STK3: variants seen among roughly 807,000 people sequenced by gnomAD.
The protein encoded by STK3 is serine/threonine kinase 3.
A neutral mutation model predicts 58.0 loss-of-function variants in STK3; 41 were observed. The ratio of observed to expected loss-of-function variants is 0.71; its 90% CI spans 0.55 to 0.92. The LOEUF is 0.92. Among genes scored for constraint, STK3 ranks in the 40% least tolerant of loss-of-function variants. STK3 has a pLI of 0.00. For missense variants in STK3, 479 were observed against 602.7 expected, an observed-to-expected ratio of 0.79 and a Z score of 2.15; for synonymous variants, 170 against 191.0, an observed-to-expected ratio of 0.89 and a Z score of 0.91.
At chr8:98,370,346 T>TGC (rs1305391406), downstream of STK3, among the ~76,000 whole-genome samples, 1 of 137,514 alleles carries the variant, frequency 7.3e-6, no homozygotes, top group Non-Finnish European at 1.6e-5. Context: ...CTCTGCAGTG[T>TGC]GTGTGTGTGT....
At chr8:98,824,507 G>GT (rs1225756028) in intron 1 of STK3, among the ~76,000 whole-genome samples, 1 of 152,240 alleles carries the variant, frequency 6.6e-6, no homozygotes, top group Non-Finnish European at 1.5e-5. Context: ...TGCCCAATGA[G>GT]TAGAATGCAG....
intron 10 of STK3, 86 bp from the exon 11 acceptor site, chr8:98,456,086 ATGAG>A: frequency 1.5e-6 from 2 of 1,294,346 alleles, no homozygotes; most frequent in Non-Finnish European, 2.1e-6. Context: ...TTAATGTCTA[ATGAG>A]TTTTAACATA....
At chr8:98,845,561 C>G (rs145809282) in intron 3 of STK3, among the ~76,000 whole-genome samples, 238 of 152,258 alleles carry the variant, frequency 1.6e-3, no homozygotes, top group Non-Finnish European at 2.3e-3. Flanking sequence ...GATATTTTTC[C>G]GCTGAAAGTA....
At chr8:98,844,242 A>G (rs1836108547) in intron 3 of STK3, among the ~76,000 whole-genome samples, 1 of 152,220 alleles carries the variant, frequency 6.6e-6, no homozygotes, top group African/African-American at 2.4e-5. Context: ...AAATTATAAA[A>G]CAGCCATGGG....
chr8:98,535,614 C>T (rs900756375), intron 9 of STK3, among the ~76,000 whole-genome samples: 7 of 152,152 alleles, frequency 4.6e-5, no homozygotes, highest in African/African-American at 1.7e-4. Flanking sequence ...TGATATACCA[C>T]TGACTCTTAC....
At chr8:98,583,803 AT>A (rs1277452201) in intron 7 of STK3, among the ~76,000 whole-genome samples, 5 of 152,020 alleles carry the variant, frequency 3.3e-5, no homozygotes, top group Non-Finnish European at 7.4e-5. Context: ...AGATGAGAAA[AT>A]AAGCTCAGGA....
chr8:98,587,740 T>C (rs1468034503), intron 7 of STK3, among the ~76,000 whole-genome samples: 2 of 152,138 alleles, frequency 1.3e-5, no homozygotes, highest in African/African-American at 4.8e-5. Context: ...TCTAAGTCTC[T>C]TTGTAGGTCT....
chr8:98,599,445 T>A (rs1816137560), intron 6 of STK3, among the ~76,000 whole-genome samples: 1 of 151,976 alleles, frequency 6.6e-6, no homozygotes, highest in Non-Finnish European at 1.5e-5. Context: ...AGTATCATTT[T>A]GTTTTTTTTT....
chr8:98,388,086 T>TATA (rs1817811321), intron 1 of STK3: 1 of 152,102 alleles, frequency 6.6e-6, no homozygotes, highest in African/African-American at 2.4e-5. Flanking sequence ...TACCTGAGTC[T>TATA]ATAATAATAA....
intron 10 of STK3, among the ~76,000 whole-genome samples, chr8:98,522,995 C>T (rs1287191379): frequency 6.6e-6 from 1 of 152,106 alleles, no homozygotes; most frequent in Admixed American, 6.6e-5. Flanking sequence ...AATAATGCTG[C>T]CATGAAAAAG....
chr8:98,688,125 A>G (rs1248459669), intron 6 of STK3, among the ~76,000 whole-genome samples: 2 of 151,464 alleles, frequency 1.3e-5, no homozygotes, highest in Admixed American at 6.6e-5. Context: ...GAGGTCTTAT[A>G]TTAGATAAAA....
chr8:98,782,332 A>G lies in STK3; in HGVS notation c.27-7513T>C, dbSNP rs115628986. The G allele has an allele frequency of 1.0e-3, 189 of 182,932 alleles. 1 individual carries two copies. Among genetic ancestry groups the G allele is most frequent in the African/African-American group, 4.2e-3 (178 of 42,204 alleles). The allele number at this position is 182,932 out of a possible 1,614,324, so 11.3% of individuals were successfully genotyped here. A position where few individuals can be genotyped will look rare whatever the true frequency, so the allele number is the denominator to read the frequency against. On this transcript the variant is annotated intron_variant, in intron 1 of 10. Transcript: ENST00000419617. ...GCCAGAGAAGGTAACCTGGGTGAGGAGAATAGGAATTCTGCATCAGCTGCT... is the reference window on the plus strand; with the variant it reads ...GCCAGAGAAGGTAACCTGGGTGAGGGGAATAGGAATTCTGCATCAGCTGCT...
rs1834791388 is a variant in STK3, at chr8:98,820,108, G to C, written c.26+5407C>G. Among the ~76,000 whole-genome samples, 3 of 152,088 alleles carry C rather than the reference G, an allele frequency of 2.0e-5. 1 individual carries two copies. The South Asian group carries it at 6.2e-4, about 32-fold the overall frequency. On this transcript the variant is annotated intron_variant, in intron 1 of 10. Coordinates refer to ENST00000419617, the MANE Select transcript of STK3 (RefSeq NM_006281.4). ...TTCTTTCCATAATAATCTGTTTTCT[G>C]ATGGGTAATCCATCCAAACACTCAT... is the stretch of plus-strand genomic sequence containing the variant.
At chr8:98,900,572 G>A (rs901012734) in intron 1 of STK3, among the ~76,000 whole-genome samples, 3 of 151,810 alleles carry the variant, frequency 2.0e-5, no homozygotes, top group Non-Finnish European at 1.5e-5. Context: ...TTTGATATAT[G>A]TATACATTAC....
intron 10 of STK3, among the ~76,000 whole-genome samples, chr8:98,471,872 C>T (rs1417980816): frequency 6.6e-6 from 1 of 152,032 alleles, no homozygotes; most frequent in Non-Finnish European, 1.5e-5. Flanking sequence ...GTTTAAAATC[C>T]CATGGGTGTA....
At chr8:98,903,363 A>G (rs1273311633) in intron 1 of STK3, among the ~76,000 whole-genome samples, 1 of 152,112 alleles carries the variant, frequency 6.6e-6, no homozygotes, top group Non-Finnish European at 1.5e-5. Context: ...AGCAATGGGG[A>G]TGATTTTTTT....
intron 4 of STK3, among the ~76,000 whole-genome samples, chr8:98,726,706 C>T (rs1305154852): frequency 6.6e-6 from 1 of 152,126 alleles, no homozygotes; most frequent in Non-Finnish European, 1.5e-5. Flanking sequence ...ACACCAGGAT[C>T]AAGCCATCCT....
downstream of STK3, among the ~76,000 whole-genome samples, chr8:98,451,183 G>T (rs1819182653): frequency 6.6e-6 from 1 of 152,102 alleles, no homozygotes; most frequent in Non-Finnish European, 1.5e-5. Flanking sequence ...TATGATTAAT[G>T]ACAATTTTTT....
chr8:98,832,474 A>G (rs1410210438), intron 3 of STK3, among the ~76,000 whole-genome samples: 3 of 152,098 alleles, frequency 2.0e-5, no homozygotes, highest in Non-Finnish European at 4.4e-5. Context: ...CAACCAATCC[A>G]TGGTGGTCAC....
Sources: allele counts gnomAD v4.1 joint callset (sites outside exome capture counted in the v4.1 genomes callset), GRCh38; gene constraint gnomAD v4.1.1; transcripts MANE v1.5; gene names NCBI Gene and HGNC (gene_info 2026-07-23, HGNC 2026-07-21).